The following MNAT1 variants were observed in gnomAD, a reference collection of about 807,000 sequenced individuals.
MNAT1 encodes the protein MNAT1 component of CDK activating kinase, also known as CDK-activating kinase assembly factor MAT1.
In MNAT1, 43 loss-of-function variants were observed where a neutral mutation model predicts 42.0. The ratio of observed to expected loss-of-function variants is 1.02; its 90% CI spans 0.80 to 1.32. The LOEUF is 1.32. MNAT1 is among the 40% of genes most tolerant of loss of function. The pLI is 0.00. For missense variants in MNAT1, 306 were observed against 350.4 expected, an observed-to-expected ratio of 0.87 and a Z score of 1.01; for synonymous variants, 118 against 120.0, an observed-to-expected ratio of 0.98 and a Z score of 0.11.
chr14:60,865,184 C>T (rs1312757162), intron 6 of MNAT1, among the ~76,000 whole-genome samples: 1 of 151,972 alleles, frequency 6.6e-6, no homozygotes, highest in Non-Finnish European at 1.5e-5. Context: ...TCTATCTTTT[C>T]ACGGAAAAAT....
At position 60,879,604 on chromosome 14, in the gene MNAT1, G is replaced by A. The variant is rs1348696363; in HGVS notation, c.688-110G>A. 7.5e-6 allele frequency: 8 copies of A among 1,066,934 alleles called. No homozygotes were observed. The South Asian group carries it at 1.2e-4, about 15-fold the overall frequency. 66.1% of individuals were successfully genotyped at this position (1,066,934 alleles called of 1,614,324 possible). ...GTACCCATGGAACAGCACAACTAAT[G>A]GCTAATACTTCTAATGTGAGGAATT... is the stretch of plus-strand genomic sequence containing the variant. On this transcript the variant is annotated intron_variant, in intron 6 of 7. Coordinates refer to ENST00000261245, the MANE Select transcript of MNAT1 (RefSeq NM_002431.4).
Position 60,808,431 on chromosome 14 carries a change from C to T in MNAT1, c.420+3C>T, listed in dbSNP as rs200383222. On this transcript the variant is annotated splice_donor_region_variant and intron_variant, in intron 4 of 7. Coordinates refer to ENST00000261245, the MANE Select transcript of MNAT1 (RefSeq NM_002431.4). Reference sequence around the variant, plus strand: ...TTCAGAAAAATAAATTAAAGCTGGTCGGTTGCTAAGTATTTTCTTCTTATT... The same window carrying T: ...TTCAGAAAAATAAATTAAAGCTGGTTGGTTGCTAAGTATTTTCTTCTTATT... The T allele has an allele frequency of 4.1e-5, 61 of 1,487,408 alleles. No homozygotes were observed. Among genetic ancestry groups the T allele is most frequent in the East Asian group, 1.4e-4 (6 of 41,720 alleles). The allele number at this position is 1,487,408 out of a possible 1,614,324, so 92.1% of individuals were successfully genotyped here. A position where few individuals can be genotyped will look rare whatever the true frequency, so the allele number is the denominator to read the frequency against.
chr14:60,870,646 C>G (rs1417902989), intron 6 of MNAT1, among the ~76,000 whole-genome samples: 1 of 152,020 alleles, frequency 6.6e-6, no homozygotes, highest in East Asian at 1.9e-4. Flanking sequence ...TTTCTAGCTG[C>G]CTTTACTGAA....
chr14:60,910,842 A>G (rs1035781520), intron 7 of MNAT1, among the ~76,000 whole-genome samples: 2 of 152,218 alleles, frequency 1.3e-5, no homozygotes, highest in African/African-American at 4.8e-5. Context: ...GCCTCATACA[A>G]TGCATTAGGG....
At chr14:60,799,356 C>G (rs2139331797) in intron 3 of MNAT1, 1 of 985,166 alleles carries the variant, frequency 1.0e-6, no homozygotes, top group African/African-American at 1.7e-5. Context: ...GAAGAAAAAC[C>G]AGAAAGAAAT....
intron 1 of MNAT1, among the ~76,000 whole-genome samples, chr14:60,757,385 T>C (rs1403258242): frequency 1.3e-5 from 2 of 152,128 alleles, no homozygotes; most frequent in Non-Finnish European, 2.9e-5. Flanking sequence ...TTAGTGCATT[T>C]TTTTTTATTG....
intron 1 of MNAT1, among the ~76,000 whole-genome samples, chr14:60,793,496 A>G (rs900152098): frequency 8.6e-5 from 13 of 152,010 alleles, no homozygotes; most frequent in African/African-American, 3.1e-4. Flanking sequence ...CTGAGTAGCT[A>G]GGACTACAGG....
chr14:60,809,505 G>A (rs1370318323), intron 4 of MNAT1, among the ~76,000 whole-genome samples: 1 of 152,082 alleles, frequency 6.6e-6, no homozygotes, highest in Non-Finnish European at 1.5e-5. Flanking sequence ...AAATAGGTAT[G>A]CGTAGGTAAA....
chr14:60,865,202 C>T (rs560269758), intron 6 of MNAT1, among the ~76,000 whole-genome samples: 1 of 152,050 alleles, frequency 6.6e-6, no homozygotes, highest in South Asian at 2.1e-4. Flanking sequence ...AATATTTCTG[C>T]TTTAGAAGAC....
At chr14:60,883,526 T>A (rs2034595915) in intron 7 of MNAT1, among the ~76,000 whole-genome samples, 1 of 152,006 alleles carries the variant, frequency 6.6e-6, no homozygotes, top group Non-Finnish European at 1.5e-5. Context: ...AAGTTTTATA[T>A]CTTTAAAGTT....
rs144362625 is a variant in MNAT1 at position 60,789,294 on chromosome 14, C to T, written c.90-6923C>T. Among the ~76,000 whole-genome samples the T allele has an allele frequency of 1.6e-3, 242 of 152,114 alleles. 1 individual carries two copies. Among genetic ancestry groups the T allele is most frequent in the Middle Eastern group, 0.01 (3 of 294 alleles). On this transcript the variant is annotated intron_variant, in intron 1 of 7. Coordinates refer to ENST00000261245, the MANE Select transcript of MNAT1 (RefSeq NM_002431.4). ...TTATATGGGTGCTTTTCATGGTGCC[C>T]TGAAACAATTAAAATGGTAACACCA... is the stretch of plus-strand genomic sequence containing the variant.
chr14:60,895,129 T>C (rs998532591), intron 7 of MNAT1, among the ~76,000 whole-genome samples: 1 of 152,220 alleles, frequency 6.6e-6, no homozygotes, highest in African/African-American at 2.4e-5. Flanking sequence ...GCTTTCTCTT[T>C]GTTGATATAT....
chr14:60,908,839 G>A (rs1221975413), intron 7 of MNAT1, among the ~76,000 whole-genome samples: 3 of 152,190 alleles, frequency 2.0e-5, no homozygotes, highest in Non-Finnish European at 2.9e-5. Flanking sequence ...TATATACCCA[G>A]TAATGGGATG....
chr14:60,922,461 A>T (rs2035681809), intron 7 of MNAT1, among the ~76,000 whole-genome samples: 1 of 152,164 alleles, frequency 6.6e-6, no homozygotes, highest in South Asian at 2.1e-4. Flanking sequence ...TCTGAAATTG[A>T]TTTGGAACAA....
At chr14:60,756,057 C>G (rs541345313) in intron 1 of MNAT1, among the ~76,000 whole-genome samples, 21 of 152,312 alleles carry the variant, frequency 1.4e-4, no homozygotes, top group African/African-American at 5.1e-4. Context: ...AACGTAAATA[C>G]TTGTCTTTTT....
At chr14:60,759,783 A>C (rs185577107) in intron 1 of MNAT1, among the ~76,000 whole-genome samples, 3 of 152,354 alleles carry the variant, frequency 2.0e-5, no homozygotes, top group African/African-American at 7.2e-5. Context: ...TTAGACTTAT[A>C]AGTAAAACTG....
intron 1 of MNAT1, among the ~76,000 whole-genome samples, chr14:60,766,878 A>C (rs1166684285): frequency 2.0e-5 from 3 of 152,252 alleles, no homozygotes; most frequent in Non-Finnish European, 2.9e-5. Flanking sequence ...CTTCAAATAC[A>C]TTATAGTTGA....
chr14:60,796,304 G>A lies in MNAT1; in HGVS notation c.177G>A (p.Arg59=). ...CGTPLRKSNF[R]VQLFEDPTVD... ...CTCCACTCAGAAAGAGCAACTTCAG[G>A]GTACAACTCTTTGAAGATCCCACTG... The change falls in exon 2 of 8, where the codon AGG becomes AGA. Residue 59 remains arginine (R), a synonymous_variant. Transcript: ENST00000261245. 6.2e-7 allele frequency: 1 copy of A among 1,613,630 alleles called. No homozygotes were observed. Among genetic ancestry groups the A allele is most frequent in the Non-Finnish European group, 8.5e-7 (1 of 1,179,752 alleles).
In MNAT1 at chr14:60,797,959, A is replaced by G. The variant is rs963980915; in HGVS notation, c.243-128A>G. 9.8e-6 allele frequency: 5 copies of G among 511,322 alleles called. No individual in the cohort carries two copies. The East Asian group carries it at 1.7e-4, about 17-fold the overall frequency. The allele number at this position is 511,322 out of a possible 1,614,324, so 31.7% of individuals were successfully genotyped here. On this transcript the variant is annotated intron_variant, in intron 2 of 7. Transcript: ENST00000261245. ...AATAAAAATAAAAAAATAGAGAACG[A>G]TGTTTTACACAGTAAGCAATTCTTT...
Sources: allele counts gnomAD v4.1 joint callset (sites outside exome capture counted in the v4.1 genomes callset), GRCh38; gene constraint gnomAD v4.1.1; transcripts MANE v1.5; gene names NCBI Gene and HGNC (gene_info 2026-07-23, HGNC 2026-07-21).